Variants in KLHL1 observed in about 807,000 individuals in gnomAD.
The protein encoded by KLHL1 is kelch like family member 1.
In KLHL1, 47 loss-of-function variants were observed where a neutral mutation model predicts 77.7. The observed-to-expected ratio is 0.60, with a 90% CI of 0.48 to 0.77. KLHL1 has a LOEUF of 0.77. Among genes scored for constraint, KLHL1 ranks in the 30% least tolerant of loss-of-function variants. The pLI is 0.00. For missense variants in KLHL1, 925 were observed against 910.8 expected, an observed-to-expected ratio of 1.02 and a Z score of -0.20; for synonymous variants, 360 against 325.2, an observed-to-expected ratio of 1.11 and a Z score of -1.15.
At chr13:69,967,885 CAA>C (rs34910448) in intron 2 of KLHL1, among the ~76,000 whole-genome samples, 77,890 of 135,078 alleles carry the variant, frequency 0.58, 21,481 homozygotes, top group Non-Finnish European at 0.64. Context: ...GATGCTGAAT[CAA>C]AAAAAAAAAA....
chr13:69,722,396 G>T lies in KLHL1; in HGVS notation c.1803-2815C>A, dbSNP rs144956765. Among the ~76,000 whole-genome samples the T allele has an allele frequency of 3.3e-5, 5 of 151,378 alleles. No individual in the cohort carries two copies. The East Asian group carries it at 9.7e-4, about 29-fold the overall frequency. Reference sequence around the variant, plus strand: ...GCAATGATGACATACAACCTACCAAGACTAAATCATGAAGAAATATGAAAT... The same window carrying T: ...GCAATGATGACATACAACCTACCAATACTAAATCATGAAGAAATATGAAAT... On this transcript the variant is annotated intron_variant, in intron 8 of 10. Coordinates refer to ENST00000377844, the MANE Select transcript of KLHL1 (RefSeq NM_020866.3).
chr13:69,805,435 T>C (rs893471266), intron 6 of KLHL1, among the ~76,000 whole-genome samples: 8 of 152,016 alleles, frequency 5.3e-5, no homozygotes, highest in African/African-American at 1.9e-4. Flanking sequence ...AACACATTTC[T>C]ATTGTATGTA....
intron 6 of KLHL1, among the ~76,000 whole-genome samples, chr13:69,834,262 TGGG>T (rs1878891533): frequency 6.6e-6 from 1 of 151,532 alleles, no homozygotes; most frequent in Admixed American, 6.6e-5. Context: ...GTACATAAAT[TGGG>T]GGGAGAAAAA....
chr13:69,813,507 T>C (rs1355833404), intron 6 of KLHL1, among the ~76,000 whole-genome samples: 4 of 121,982 alleles, frequency 3.3e-5, no homozygotes, highest in African/African-American at 9.8e-5. Flanking sequence ...CACACACATA[T>C]ATATATATAT....
At chr13:70,080,743 C>T (rs1010797659) in intron 1 of KLHL1, among the ~76,000 whole-genome samples, 7 of 151,982 alleles carry the variant, frequency 4.6e-5, no homozygotes, top group Admixed American at 4.6e-4. Flanking sequence ...ACTACACATG[C>T]GCACCACCAC....
intron 4 of KLHL1, among the ~76,000 whole-genome samples, chr13:69,885,749 T>TATC (rs1354329114): frequency 1.3e-5 from 2 of 152,168 alleles, no homozygotes; most frequent in Non-Finnish European, 2.9e-5. Flanking sequence ...AACCCTGATA[T>TATC]ATGGCCCTGA....
intron 9 of KLHL1, among the ~76,000 whole-genome samples, chr13:69,713,942 T>C (rs1030615914): frequency 9.9e-5 from 15 of 152,098 alleles, no homozygotes; most frequent in Admixed American, 3.9e-4. Context: ...GTCAGCACAA[T>C]GTTAGAAAAA....
intron 5 of KLHL1, among the ~76,000 whole-genome samples, chr13:69,858,373 T>G (rs1049434797): frequency 1.3e-5 from 2 of 152,040 alleles, no homozygotes; most frequent in African/African-American, 4.8e-5. Flanking sequence ...CCACATGGAG[T>G]TCTTTCTAAT....
intron 1 of KLHL1, among the ~76,000 whole-genome samples, chr13:70,083,567 T>C (rs1219946344): frequency 6.6e-6 from 1 of 152,180 alleles, no homozygotes; most frequent in Non-Finnish European, 1.5e-5. Flanking sequence ...AATCGTAATA[T>C]TGTGAAGATA....
intron 1 of KLHL1, among the ~76,000 whole-genome samples, chr13:70,033,978 C>T (rs745416748): frequency 3.3e-5 from 5 of 152,146 alleles, no homozygotes; most frequent in Non-Finnish European, 7.4e-5. Context: ...ATAAAATCAT[C>T]AGGCACATTC....
At chr13:69,745,052 T>A (rs994581112) in intron 7 of KLHL1, among the ~76,000 whole-genome samples, 18 of 151,906 alleles carry the variant, frequency 1.2e-4, no homozygotes, top group African/African-American at 4.1e-4. Context: ...GTTTTTTTTT[T>A]AACCAATTTT....
At chr13:69,922,780 G>A (rs575693580) in intron 4 of KLHL1, among the ~76,000 whole-genome samples, 12 of 152,206 alleles carry the variant, frequency 7.9e-5, no homozygotes, top group South Asian at 2.1e-4. Flanking sequence ...CATTGAAAGA[G>A]AAGCAGAGAG....
intron 4 of KLHL1, among the ~76,000 whole-genome samples, chr13:69,904,164 AAAAAT>A (rs10597615): frequency 1 from 151,462 of 152,014 alleles, 75,457 homozygotes; most frequent in East Asian, 1. Flanking sequence ...TTAATAATAG[AAAAAT>A]AAAATGCATT....
Position 70,108,030 on chromosome 13 carries a change from C to A in KLHL1, c.-331G>T, listed in dbSNP as rs1018616876. On this transcript the variant is annotated 5_prime_UTR_variant, in exon 1 of 11. Coordinates refer to ENST00000377844, the MANE Select transcript of KLHL1 (RefSeq NM_020866.3). Reference sequence around the variant, plus strand: ...CCGTGTTATGGCGAGGTGGGACAACCCTTAGGCTGGAGATGCGCGAGGGAG... The same window carrying A: ...CCGTGTTATGGCGAGGTGGGACAACACTTAGGCTGGAGATGCGCGAGGGAG... 6.9e-6 allele frequency: 3 copies of A among 433,618 alleles called. No individual in the cohort carries two copies. Among genetic ancestry groups the A allele is most frequent in the Non-Finnish European group, 1.2e-5 (3 of 246,362 alleles). 26.9% of individuals were successfully genotyped at this position (433,618 alleles called of 1,614,324 possible).
chr13:70,061,026 A>G (rs1202019088), intron 1 of KLHL1, among the ~76,000 whole-genome samples: 1 of 152,104 alleles, frequency 6.6e-6, no homozygotes, highest in Non-Finnish European at 1.5e-5. Context: ...CTAAAATTAA[A>G]ACAATTGATC....
chr13:70,023,467 T>G (rs1885853277), intron 1 of KLHL1, among the ~76,000 whole-genome samples: 1 of 151,986 alleles, frequency 6.6e-6, no homozygotes, highest in African/African-American at 2.4e-5. Context: ...CCAATAAAAT[T>G]AATAATAATT....
chr13:69,728,731 C>T (rs1404090626), intron 8 of KLHL1, among the ~76,000 whole-genome samples: 4 of 150,332 alleles, frequency 2.7e-5, no homozygotes, highest in Admixed American at 1.3e-4. Flanking sequence ...TTGCTTGAAC[C>T]TGGGAAGCAG....
At chr13:69,788,685 TTATG>T (rs1372807056) in intron 7 of KLHL1, among the ~76,000 whole-genome samples, 5 of 151,760 alleles carry the variant, frequency 3.3e-5, no homozygotes, top group Admixed American at 3.3e-4. Context: ...AATATAGTAT[TTATG>T]TATATCTTAA....
intron 1 of KLHL1, among the ~76,000 whole-genome samples, chr13:70,077,196 C>A (rs1273553834): frequency 6.6e-6 from 1 of 151,900 alleles, no homozygotes; most frequent in African/African-American, 2.4e-5. Flanking sequence ...TTTCTTAAAA[C>A]TAGAAGCAGT....
Sources: allele counts gnomAD v4.1 joint callset (sites outside exome capture counted in the v4.1 genomes callset), GRCh38; gene constraint gnomAD v4.1.1; transcripts MANE v1.5; gene names NCBI Gene and HGNC (gene_info 2026-07-23, HGNC 2026-07-21).